Variants in PAAF1 observed in about 807,000 individuals in gnomAD.
PAAF1 encodes the protein proteasomal ATPase associated factor 1, also known as proteasomal ATPase-associated factor 1.
Under a neutral mutation model 52.8 loss-of-function variants are expected in PAAF1, and 46 were observed. The observed-to-expected ratio is 0.87, with a 90% CI of 0.69 to 1.11. The LOEUF (loss-of-function observed/expected upper bound fraction) is 1.11. Ranked by LOEUF, PAAF1 falls within the 50% of genes most tolerant of loss-of-function variation. The pLI is 0.00. For synonymous variants in PAAF1, 178 were observed against 172.8 expected, an observed-to-expected ratio of 1.03 and a Z score of -0.24; for missense variants, 424 against 477.4, an observed-to-expected ratio of 0.89 and a Z score of 1.04.
chr11:73,885,627 A>C (rs187596574), intron 2 of PAAF1, among the ~76,000 whole-genome samples: 24 of 150,690 alleles, frequency 1.6e-4, no homozygotes, highest in Admixed American at 5.3e-4. Flanking sequence ...GGATCACCTG[A>C]GGGGAGGAGC....
At chr11:73,914,987 G>A (rs1459823412) in intron 8 of PAAF1, among the ~76,000 whole-genome samples, 1 of 152,038 alleles carries the variant, frequency 6.6e-6, no homozygotes, top group African/African-American at 2.4e-5. Context: ...GTACAGATGT[G>A]AGCCACTGAG....
intron 4 of PAAF1, among the ~76,000 whole-genome samples, chr11:73,897,848 T>G (rs1198848821): frequency 6.7e-6 from 1 of 150,290 alleles, no homozygotes; most frequent in East Asian, 2.0e-4. Flanking sequence ...AGGTGGAGGT[T>G]GTAGCGAGCC....
intron 6 of PAAF1, 67 bp downstream of exon 6, chr11:73,900,487 G>T: frequency 6.8e-7 from 1 of 1,481,322 alleles, no homozygotes; most frequent in Non-Finnish European, 9.1e-7. Context: ...TGAAAAGGTA[G>T]AAACAAGCTA....
chr11:73,904,634 AT>A lies in PAAF1; in HGVS notation c.532+4223del, dbSNP rs1036270965. On this transcript the variant is annotated intron_variant, in intron 6 of 11. Coordinates refer to ENST00000310571, the MANE Select transcript of PAAF1 (RefSeq NM_025155.3). Reference sequence around the variant, plus strand: ...AGTAATAGGAGGTGCTTCAAGGCTTATTTTTTTTTCGGAGATCTGAGTCATA... The same window carrying A: ...AGTAATAGGAGGTGCTTCAAGGCTTATTTTTTTTCGGAGATCTGAGTCATA... Among the ~76,000 whole-genome samples the A allele has an allele frequency of 3.3e-5, 5 of 150,478 alleles. 1 individual carries two copies. The highest frequency in any genetic ancestry group is 6.4e-3 in the Middle Eastern group (2 of 314).
intron 4 of PAAF1, among the ~76,000 whole-genome samples, chr11:73,894,486 A>G (rs927034440): frequency 6.6e-6 from 1 of 152,134 alleles, no homozygotes; most frequent in Non-Finnish European, 1.5e-5. Flanking sequence ...CTAAAAATAT[A>G]AAAATCGGAG....
At chr11:73,892,819 C>T (rs533794673) in intron 4 of PAAF1, among the ~76,000 whole-genome samples, 2 of 152,094 alleles carry the variant, frequency 1.3e-5, no homozygotes, top group African/African-American at 2.4e-5. Flanking sequence ...CCACCACGCC[C>T]GGCTAATTTT....
At chr11:73,907,336 T>C (rs1369766454) in intron 6 of PAAF1, among the ~76,000 whole-genome samples, 1 of 152,148 alleles carries the variant, frequency 6.6e-6, no homozygotes, top group African/African-American at 2.4e-5. Flanking sequence ...CCTACTGGAC[T>C]CCCCTGACAC....
intron 2 of PAAF1, among the ~76,000 whole-genome samples, chr11:73,882,893 G>A (rs1948957598): frequency 6.6e-6 from 1 of 151,584 alleles, no homozygotes; most frequent in South Asian, 2.1e-4. Flanking sequence ...GTGAGCCACT[G>A]TGCCTGGCCT....
In PAAF1 at chr11:73,918,974, A is replaced by G. The variant is rs1376464682; in HGVS notation, c.960A>G (p.Arg320=). The change falls in exon 10 of 12, where the codon AGA becomes AGG. Residue 320 remains arginine, a synonymous_variant. Coordinates refer to ENST00000310571, the MANE Select transcript of PAAF1 (RefSeq NM_025155.3). ...SPRAPVQVIH[R]SGAPVLSLLS... ...GGGCTCCGGTACAAGTCATCCACAG[A>G]TCAGGAGCACCAGTTCTATCCCTGC... 6.2e-7 allele frequency: 1 copy of G among 1,613,976 alleles called. No individual in the cohort carries two copies. The highest frequency in any genetic ancestry group is 8.5e-7 in the Non-Finnish European group (1 of 1,179,988).
At chr11:73,921,993 G>T in intron 10 of PAAF1, 1 of 828,170 alleles carries the variant, frequency 1.2e-6, no homozygotes, top group Admixed American at 1.8e-5. Flanking sequence ...GTATATCAAG[G>T]TCCTGTCAGC....
intron 10 of PAAF1, 115 bp downstream of exon 10, chr11:73,919,147 C>T (rs1331617443): frequency 1.6e-5 from 13 of 818,444 alleles, no homozygotes; most frequent in Non-Finnish European, 1.6e-5. Flanking sequence ...GATTCTTTGG[C>T]ATATTGTACC....
At chr11:73,918,091 AAGAAG>A (rs973557917) in intron 9 of PAAF1, among the ~76,000 whole-genome samples, 21 of 152,254 alleles carry the variant, frequency 1.4e-4, no homozygotes, top group African/African-American at 5.1e-4. Flanking sequence ...TTGCCAAGTA[AAGAAG>A]GAGGAAAAGA....
At chr11:73,915,844 C>G (rs766456196) in intron 8 of PAAF1, among the ~76,000 whole-genome samples, 1 of 152,206 alleles carries the variant, frequency 6.6e-6, no homozygotes, top group Non-Finnish European at 1.5e-5. Flanking sequence ...TCTTGTTACT[C>G]CACTGTGCTG....
intron 7 of PAAF1, among the ~76,000 whole-genome samples, chr11:73,914,092 T>A (rs1309416890): frequency 3.9e-5 from 6 of 152,204 alleles, no homozygotes; most frequent in African/African-American, 1.2e-4. Flanking sequence ...AGGCACATTT[T>A]AAAAATAAAT....
intron 10 of PAAF1, chr11:73,922,005 T>G (rs1256566553): frequency 2.4e-6 from 2 of 819,462 alleles, no homozygotes; most frequent in Non-Finnish European, 4.1e-6. Context: ...CCTGTCAGCT[T>G]CATTCTTAAC....
chr11:73,925,882 C>T (rs956497251), intron 11 of PAAF1, among the ~76,000 whole-genome samples: 1 of 152,122 alleles, frequency 6.6e-6, no homozygotes, highest in Non-Finnish European at 1.5e-5. Context: ...GGTTCCCTTT[C>T]TCTTTTCCAG....
intron 2 of PAAF1, chr11:73,880,531 CA>C (rs1948866103): frequency 7.4e-6 from 1 of 135,086 alleles, no homozygotes; most frequent in Admixed American, 7.4e-5. Flanking sequence ...AAAAAAAATA[CA>C]AAAAATTAGC....
intron 6 of PAAF1, among the ~76,000 whole-genome samples, chr11:73,902,335 G>A (rs908281627): frequency 1.3e-5 from 2 of 152,184 alleles, no homozygotes; most frequent in African/African-American, 4.8e-5. Context: ...CATTACTGAA[G>A]AACTCATCAC....
intron 6 of PAAF1, among the ~76,000 whole-genome samples, chr11:73,904,483 C>T (rs995676589): frequency 1.1e-4 from 16 of 151,890 alleles, no homozygotes; most frequent in African/African-American, 3.6e-4. Context: ...TTTTTTTTCT[C>T]ATAATGGTAG....
Sources: gnomAD v4.1 joint callset for allele counts (sites outside exome capture counted in the v4.1 genomes callset) on GRCh38, gnomAD v4.1.1 for gene constraint, MANE v1.5 for transcripts, NCBI Gene and HGNC (gene_info 2026-07-23, HGNC 2026-07-21) for gene names.